DOK3: variants seen among roughly 807,000 people sequenced by gnomAD.
DOK3 encodes Dok-like protein.
In DOK3, 23 loss-of-function variants were observed where a neutral mutation model predicts 26.2. That is an observed-to-expected ratio of 0.88 (90% CI 0.63 to 1.24). The LOEUF (loss-of-function observed/expected upper bound fraction) is 1.24. Among genes scored for constraint, DOK3 ranks in the 50% most tolerant of loss-of-function variants. The pLI is 0.00. For missense variants in DOK3, 619 were observed against 610.6 expected (o/e 1.01, Z -0.15); for synonymous variants, 268 against 268.2 (o/e 1.00, Z 0.01).
chr5:177,509,292 C>T (rs1265805169), intron 2 of DOK3, 183 bp downstream of exon 2: 3 of 695,658 alleles, frequency 4.3e-6, no homozygotes, highest in South Asian at 2.0e-5. Flanking sequence ...GCCTGCTCAG[C>T]CCCTGCCGTC....
chr5:177,506,261 C>G (rs1207686426), intron 3 of DOK3, among the ~76,000 whole-genome samples: 1 of 151,668 alleles, frequency 6.6e-6, no homozygotes, highest in African/African-American at 2.4e-5. Flanking sequence ...ACCTCAACTG[C>G]CTTTTGTTTT....
At chr5:177,507,087 G>T (rs1760292201) in intron 3 of DOK3, among the ~76,000 whole-genome samples, 1 of 152,128 alleles carries the variant, frequency 6.6e-6, no homozygotes, top group South Asian at 2.1e-4. Flanking sequence ...CCCATGAGCA[G>T]CCACTCCCCA....
At chr5:177,510,298 T>A (rs1760829282), upstream of DOK3, 1 of 216,120 alleles carries the variant, frequency 4.6e-6, no homozygotes, top group Non-Finnish European at 9.4e-6. Context: ...CTCTTCCTCC[T>A]GGAGGCCTCC....
In DOK3 at chr5:177,504,720, CCTTTCCCA is replaced by C; in HGVS notation, c.645+15_645+22del. The C allele has an allele frequency of 3.1e-6, 5 of 1,613,952 alleles. No individual in the cohort carries two copies. The highest frequency in any genetic ancestry group is 4.2e-6 in the Non-Finnish European group (5 of 1,179,906). On this transcript the variant is annotated intron_variant, in intron 5 of 5. Transcript: ENST00000510898. ...AGGGTCCAGGGTGTCAGCCCCTCACCCTTTCCCACCCCTGCACCTCACCTTGTCGGAGC... is the reference window on the plus strand; with the variant it reads ...AGGGTCCAGGGTGTCAGCCCCTCACCCCCCTGCACCTCACCTTGTCGGAGC...
At position 177,508,496 on chromosome 5, in the gene DOK3, G is replaced by C; in HGVS notation, c.113C>G (p.Ser38Ter). Residue 38 changes from serine to a stop codon, truncating the protein, a stop_gained, in exon 3 of 6, where the codon TCA (serine) becomes TGA (stop). Coordinates refer to ENST00000510898, the MANE Select transcript of DOK3 (RefSeq NM_001308236.3). LOFTEE classifies it high-confidence loss of function. Reference protein sequence around the residue: ...VWALLYAGGPSGVARLESWEV... With the variant: ...VWALLYAGGP ...CCAGCTCTCCAGCCGTGCCACGCCT[G>C]ATGGGCCTCCTGCATACAGCAGAGC... 1 of 1,588,236 alleles carries C rather than the reference G, an allele frequency of 6.3e-7. No homozygotes were observed. The highest frequency in any genetic ancestry group is 8.6e-7 in the Non-Finnish European group (1 of 1,167,482).
rs1300082683 is a variant in DOK3 at position 177,502,982 on chromosome 5, G to A, written c.*1001C>T. 9.4e-6 allele frequency: 13 copies of A among 1,376,070 alleles called. No individual in the cohort carries two copies. Among genetic ancestry groups the A allele is most frequent in the Admixed American group, 7.2e-5 (3 of 41,722 alleles). 85.2% of individuals were successfully genotyped at this position (1,376,070 alleles called of 1,614,324 possible). ...AGGAAGTGAGCTGGAAGGAGGTGGC[G>A]GCCAGAGGATGAGGCTTGGACAGGA... is the stretch of plus-strand genomic sequence containing the variant. On this transcript the variant is annotated 3_prime_UTR_variant, in exon 6 of 6. Transcript: ENST00000510898.
chr5:177,503,966 AC>A lies in DOK3; in HGVS notation c.*16del. 6.6e-7 allele frequency: 1 copy of A among 1,525,620 alleles called. No individual in the cohort carries two copies. The highest frequency in any genetic ancestry group is 8.8e-7 in the Non-Finnish European group (1 of 1,136,060). The allele number at this position is 1,525,620 out of a possible 1,614,324, so 94.5% of individuals were successfully genotyped here. A position where few individuals can be genotyped will look rare whatever the true frequency, so the allele number is the denominator to read the frequency against. On this transcript the variant is annotated 3_prime_UTR_variant, in exon 6 of 6. Transcript: ENST00000510898. ...GGGGGAGCACCTCTCCCCTCTGGCC[AC>A]CACTCTGCTGGGCGTTCAGGGCCGG...
intron 3 of DOK3, among the ~76,000 whole-genome samples, chr5:177,505,880 G>A (rs991096301): frequency 6.6e-6 from 1 of 152,134 alleles, no homozygotes; most frequent in Non-Finnish European, 1.5e-5. Context: ...GGGACTACAG[G>A]TGCCCGCCAC....
At position 177,508,309 on chromosome 5, in the gene DOK3, G is replaced by T. The variant is rs887828416; in HGVS notation, c.300C>A (p.Thr100=). 3 of 1,585,748 alleles carry T rather than the reference G, an allele frequency of 1.9e-6. No individual in the cohort carries two copies. The highest frequency in any genetic ancestry group is 2.6e-6 in the Non-Finnish European group (3 of 1,169,846). Residue 100 remains threonine (T), a synonymous_variant, in exon 3 of 6, where the codon ACC becomes ACA. Coordinates refer to ENST00000510898, the MANE Select transcript of DOK3 (RefSeq NM_001308236.3). Reference sequence around the variant, plus strand: ...GAGCAGCCAGTAGATGGCTTCGCTCGGTGGTGGTGAGCAGGAAGGCACCGG... The same window carrying T: ...GAGCAGCCAGTAGATGGCTTCGCTCTGTGGTGGTGAGCAGGAAGGCACCGG... ...RDTGAFLLTT[T]ERSHLLAAQH... is the part of the protein sequence containing the mutation.
At position 177,503,202 on chromosome 5, in the gene DOK3, A is replaced by T; in HGVS notation, c.*781T>A. The T allele has an allele frequency of 2.6e-6, 4 of 1,551,602 alleles. No homozygotes were observed. The highest frequency in any genetic ancestry group is 3.5e-6 in the Non-Finnish European group (4 of 1,146,938). Reference sequence around the variant, plus strand: ...GGAACGCAGCATGGAAGTCTTCAGGAAACTTCTCTCCCCCTGGAATGTCGG... The same window carrying T: ...GGAACGCAGCATGGAAGTCTTCAGGTAACTTCTCTCCCCCTGGAATGTCGG... On this transcript the variant is annotated 3_prime_UTR_variant, in exon 6 of 6. Transcript: ENST00000510898.
In DOK3 at chr5:177,504,371, A is replaced by C. The variant is rs1390759105; in HGVS notation, c.935T>G (p.Leu312Arg). The C allele has an allele frequency of 1.9e-6, 3 of 1,569,652 alleles. No homozygotes were observed. The African/African-American group carries it at 4.1e-5, about 21-fold the overall frequency. Reference protein sequence around the residue: ...AEPGPQSLPLLLGPEPNDLAS... With the variant: ...AEPGPQSLPLRLGPEPNDLAS... Reference sequence around the variant, plus strand: ...CAGATCGTTGGGCTCCGGGCCTAGCAGTAGCGGCAGGCTCTGGGGTCCGGG... The same window carrying C: ...CAGATCGTTGGGCTCCGGGCCTAGCCGTAGCGGCAGGCTCTGGGGTCCGGG... The change falls in exon 6 of 6, where the codon CTG becomes CGG. Residue 312 changes from leucine to arginine, a missense_variant. Coordinates refer to ENST00000510898, the MANE Select transcript of DOK3 (RefSeq NM_001308236.3).
At position 177,503,887 on chromosome 5, in the gene DOK3, G is replaced by A; in HGVS notation, c.*96C>T. The A allele has an allele frequency of 6.9e-7, 1 of 1,447,602 alleles. No homozygotes were observed. Among genetic ancestry groups the A allele is most frequent in the African/African-American group, 1.4e-5 (1 of 70,470 alleles). The allele number at this position is 1,447,602 out of a possible 1,614,324, so 89.7% of individuals were successfully genotyped here. On this transcript the variant is annotated 3_prime_UTR_variant, in exon 6 of 6. Transcript: ENST00000510898. ...GTTCCTGCAGGCCAGGGTGGACACA[G>A]GCGTGTGTCTGCATGGGCCCAATGT...
upstream of DOK3, chr5:177,510,678 C>T (rs1299836444): frequency 6.6e-6 from 1 of 152,308 alleles, no homozygotes; most frequent in African/African-American, 2.4e-5. Flanking sequence ...AGCTCTGTGC[C>T]CACTGTGGCC....
Position 177,506,603 on chromosome 5 carries a change from T to C in DOK3, c.373-1493A>G, listed in dbSNP as rs540462112. ...ATCCGCCTGCCTCGGCCTCCCAAAG[T>C]GCTGGGATTACAGGTGTGAACCACT... On this transcript the variant is annotated intron_variant, in intron 3 of 5. Transcript: ENST00000510898. Among the ~76,000 whole-genome samples, 5 of 151,728 alleles carry C rather than the reference T, an allele frequency of 3.3e-5. No homozygotes were observed. In the East Asian group the frequency reaches 9.7e-4, roughly 29 times the overall value.
chr5:177,506,200 T>A (rs1760134422), intron 3 of DOK3, among the ~76,000 whole-genome samples: 1 of 152,114 alleles, frequency 6.6e-6, no homozygotes, highest in Admixed American at 6.6e-5. Context: ...GTGATCCACG[T>A]GCTTCGGCTT....
rs182147178 is a variant in DOK3 at position 177,503,435 on chromosome 5, C to T, written c.*548G>A. The stretch of plus-strand genomic sequence containing the variant: ...TTCAGCAGGGAACAAGTGTTTTGGA[C>T]GAGGGTGTCTCTGAAATCCCTTCCA... On this transcript the variant is annotated 3_prime_UTR_variant, in exon 6 of 6. Transcript: ENST00000510898. The T allele has an allele frequency of 1.1e-5, 17 of 1,501,354 alleles. No homozygotes were observed. The East Asian group carries it at 1.2e-4, about 11-fold the overall frequency. The allele number at this position is 1,501,354 out of a possible 1,614,324, so 93.0% of individuals were successfully genotyped here.
In DOK3 at chr5:177,503,070, G is replaced by A. The variant is rs1480218910; in HGVS notation, c.*913C>T. On this transcript the variant is annotated 3_prime_UTR_variant, in exon 6 of 6. Transcript: ENST00000510898. ...TCAGGATGTGCCAAGGGTGTGTGCA[G>A]CTGAGGTGGAGTTGCGGTGAGGGGC... is the stretch of plus-strand genomic sequence containing the variant. 1.3e-6 allele frequency: 2 copies of A among 1,545,884 alleles called. No homozygotes were observed. Among genetic ancestry groups the A allele is most frequent in the East Asian group, 2.5e-5 (1 of 40,762 alleles).
rs34005839 is a variant in DOK3, at chr5:177,509,530, A to C, written c.11T>G (p.Leu4Arg). The change falls in exon 2 of 6, where the codon CTG (leucine) becomes CGG (arginine). Residue 4 changes from leucine to arginine, a missense_variant. Physicochemically the swap from Leu to Arg is moderately radical, Grantham distance 102 (BLOSUM62 -2). Transcript: ENST00000510898. Reference sequence around the variant, plus strand: ...GATGCCATCCTTGATAGGGGTCTCCAGAGGGTCCATGGTCACGGCCAGGAG... The same window carrying C: ...GATGCCATCCTTGATAGGGGTCTCCCGAGGGTCCATGGTCACGGCCAGGAG... The part of the protein sequence containing the change: MDP[L>R]ETPIKDGILY... The C allele has an allele frequency of 9.6e-5, 154 of 1,611,130 alleles. No individual in the cohort carries two copies. The African/African-American group carries it at 1.6e-3, about 16-fold the overall frequency.
chr5:177,504,606 C>A lies in DOK3; in HGVS notation c.700G>T (p.Ala234Ser). ...RRCHSGEGLFAFSTPCAPDLC... is the reference protein window; with the variant it reads ...RRCHSGEGLFSFSTPCAPDLC... ...TCAGGGGCACAGGGGGTGCTGAAGG[C>A]AAAGAGGCCCTCACCCGAGTGGCAG... Residue 234 changes from alanine (A) to serine (S), a missense_variant, in exon 6 of 6, where the codon GCC becomes TCC. Physicochemically the swap from Ala to Ser is moderately conservative, Grantham distance 99 (BLOSUM62 1). Transcript: ENST00000510898. The A allele has an allele frequency of 6.2e-7, 1 of 1,610,964 alleles. No individual in the cohort carries two copies. The highest frequency in any genetic ancestry group is 8.5e-7 in the Non-Finnish European group (1 of 1,179,280).
Sources: allele counts gnomAD v4.1 joint callset (sites outside exome capture counted in the v4.1 genomes callset), GRCh38; gene constraint gnomAD v4.1.1; transcripts MANE v1.5; gene names NCBI Gene and HGNC (gene_info 2026-07-23, HGNC 2026-07-21).